The following PRKAR2B variants were observed in gnomAD, a reference collection of about 807,000 sequenced individuals.
PRKAR2B encodes cAMP-dependent protein kinase type II-beta regulatory subunit.
PRKAR2B carries 14 observed loss-of-function variants against 49.9 expected under a neutral mutation model. That is an observed-to-expected ratio of 0.28 (90% CI 0.19 to 0.44). The LOEUF (loss-of-function observed/expected upper bound fraction) is 0.44, where lower values mean the gene tolerates loss of function less well. Among genes scored for constraint, PRKAR2B ranks in the 20% least tolerant of loss-of-function variants. PRKAR2B has a pLI of 1.00. For missense variants in PRKAR2B, 393 were observed against 537.9 expected (o/e 0.73, Z 2.67); for synonymous variants, 196 against 197.7 (o/e 0.99, Z 0.07).
At chr7:107,066,298 T>TGGGGG (rs199947326) in intron 1 of PRKAR2B, among the ~76,000 whole-genome samples, 23 of 111,372 alleles carry the variant, frequency 2.1e-4, no homozygotes, top group South Asian at 3.6e-4. Context: ...TCTCTCTATG[T>TGGGGG]GGGGTGTGTG....
chr7:107,130,592 T>C (rs761952236), intron 4 of PRKAR2B, among the ~76,000 whole-genome samples: 2 of 152,176 alleles, frequency 1.3e-5, no homozygotes, highest in African/African-American at 2.4e-5. Flanking sequence ...AATTCAGTAG[T>C]TCAGAGTGGC....
intron 2 of PRKAR2B, among the ~76,000 whole-genome samples, chr7:107,085,130 C>A (rs1033954418): frequency 2.0e-5 from 3 of 151,924 alleles, no homozygotes; most frequent in Non-Finnish European, 4.4e-5. Flanking sequence ...ATGGATGAGA[C>A]CTGCCCTCTC....
intron 2 of PRKAR2B, among the ~76,000 whole-genome samples, chr7:107,099,151 G>C (rs1341354730): frequency 6.6e-6 from 1 of 152,202 alleles, no homozygotes; most frequent in Non-Finnish European, 1.5e-5. Flanking sequence ...TCCTTGAGCT[G>C]CGGTGGGCTC....
intron 1 of PRKAR2B, 45 bp downstream of exon 1, chr7:107,045,259 G>GC (rs539687816): frequency 4.1e-4 from 561 of 1,366,868 alleles, no homozygotes; most frequent in Non-Finnish European, 4.9e-4. Context: ...TCCCCTCGCT[G>GC]CCCCCCACCG....
chr7:107,089,750 A>T (rs193250060), intron 2 of PRKAR2B, among the ~76,000 whole-genome samples: 16 of 152,340 alleles, frequency 1.1e-4, no homozygotes, highest in Non-Finnish European at 2.1e-4. Flanking sequence ...TGCTCAGCAC[A>T]ATTGGTTGGA....
chr7:107,061,845 C>T lies in PRKAR2B; in HGVS notation c.308-8436C>T, dbSNP rs149912934. Among the ~76,000 whole-genome samples the T allele has an allele frequency of 4.6e-3, 705 of 152,176 alleles. 2 individuals carry two copies. Among genetic ancestry groups the T allele is most frequent in the Non-Finnish European group, 5.4e-3 (364 of 67,990 alleles). ...CGGGATGGCGAAGGTTGCAGTGAACCAAGACTGTGCCACTGCACTCCAACC... is the reference window on the plus strand; with the variant it reads ...CGGGATGGCGAAGGTTGCAGTGAACTAAGACTGTGCCACTGCACTCCAACC... On this transcript the variant is annotated intron_variant, in intron 1 of 10. Transcript: ENST00000265717.
chr7:107,089,067 G>A (rs557161829), intron 2 of PRKAR2B, among the ~76,000 whole-genome samples: 11 of 152,246 alleles, frequency 7.2e-5, no homozygotes, highest in Admixed American at 5.2e-4. Flanking sequence ...TACTCGGTAG[G>A]CTGAGGCAGG....
At chr7:107,104,017 G>A (rs1252788450) in intron 2 of PRKAR2B, among the ~76,000 whole-genome samples, 1 of 150,670 alleles carries the variant, frequency 6.6e-6, no homozygotes, top group Non-Finnish European at 1.5e-5. Flanking sequence ...TCCCCACAAT[G>A]TTTTTTTCTT....
At chr7:107,087,453 A>G (rs1772627672) in intron 2 of PRKAR2B, among the ~76,000 whole-genome samples, 1 of 151,726 alleles carries the variant, frequency 6.6e-6, no homozygotes, top group African/African-American at 2.4e-5. Context: ...CCATTTATTT[A>G]GAGCTTACTG....
intron 1 of PRKAR2B, among the ~76,000 whole-genome samples, chr7:107,057,412 C>T (rs893685095): frequency 2.6e-5 from 4 of 151,680 alleles, no homozygotes; most frequent in African/African-American, 9.7e-5. Flanking sequence ...GTCACTAGAG[C>T]TCCTTTTCCT....
intron 8 of PRKAR2B, among the ~76,000 whole-genome samples, chr7:107,156,637 C>T (rs1448586445): frequency 6.6e-6 from 1 of 152,022 alleles, no homozygotes; most frequent in Non-Finnish European, 1.5e-5. Context: ...AACCCCGTCT[C>T]TACTAAAAAT....
rs541697108 is a variant in PRKAR2B at position 107,148,585 on chromosome 7, T to C, written c.741+2124T>C. Reference sequence around the variant, plus strand: ...AAAAAAGTTAGAATAATTAACATAATTACTTAGTATTTCAAGCCTACTTTT... The same window carrying C: ...AAAAAAGTTAGAATAATTAACATAACTACTTAGTATTTCAAGCCTACTTTT... On this transcript the variant is annotated intron_variant, in intron 6 of 10. Coordinates refer to ENST00000265717, the MANE Select transcript of PRKAR2B (RefSeq NM_002736.3). 1.6e-3 allele frequency among the ~76,000 whole-genome samples: 246 copies of C among 152,350 alleles called. 1 individual carries two copies. Among genetic ancestry groups the C allele is most frequent in the African/African-American group, 5.7e-3 (235 of 41,578 alleles).
At chr7:107,060,575 T>A (rs1403009145) in intron 1 of PRKAR2B, among the ~76,000 whole-genome samples, 2 of 152,158 alleles carry the variant, frequency 1.3e-5, no homozygotes, top group Non-Finnish European at 2.9e-5. Flanking sequence ...CTGATTGTGT[T>A]TTTCTTACTG....
intron 2 of PRKAR2B, among the ~76,000 whole-genome samples, chr7:107,089,712 C>T (rs1794684088): frequency 6.6e-6 from 1 of 151,776 alleles, no homozygotes; most frequent in Non-Finnish European, 1.5e-5. Flanking sequence ...CTAAGGCCAA[C>T]CTTACTTGTT....
chr7:107,113,627 C>A (rs2116826520), intron 2 of PRKAR2B, among the ~76,000 whole-genome samples: 1 of 152,268 alleles, frequency 6.6e-6, no homozygotes, highest in South Asian at 2.1e-4. Context: ...GATAGTTTCC[C>A]AAACATATTA....
At chr7:107,104,197 A>G (rs1030357415) in intron 2 of PRKAR2B, among the ~76,000 whole-genome samples, 1 of 151,942 alleles carries the variant, frequency 6.6e-6, no homozygotes, top group Non-Finnish European at 1.5e-5. Flanking sequence ...ATGCCCGGCA[A>G]ATTTTTTTTT....
At chr7:107,124,990 T>C (rs1215226447) in intron 3 of PRKAR2B, among the ~76,000 whole-genome samples, 1 of 152,206 alleles carries the variant, frequency 6.6e-6, no homozygotes, top group African/African-American at 2.4e-5. Context: ...ATGAAAGGCA[T>C]GTCTGTTGGG....
chr7:107,105,067 T>C (rs1446981921), intron 2 of PRKAR2B, among the ~76,000 whole-genome samples: 1 of 152,228 alleles, frequency 6.6e-6, no homozygotes, highest in Non-Finnish European at 1.5e-5. Context: ...TTTACTGTCA[T>C]GGGTTGTGGG....
intron 2 of PRKAR2B, among the ~76,000 whole-genome samples, chr7:107,085,235 G>A (rs761761809): frequency 1.3e-5 from 2 of 152,124 alleles, no homozygotes; most frequent in Non-Finnish European, 2.9e-5. Flanking sequence ...CATGGATGGA[G>A]TGAAGAGTGG....
Sources: allele counts gnomAD v4.1 joint callset (sites outside exome capture counted in the v4.1 genomes callset), GRCh38; gene constraint gnomAD v4.1.1; transcripts MANE v1.5; gene names NCBI Gene and HGNC (gene_info 2026-07-23, HGNC 2026-07-21).